The following PLXNA4 variants were observed in gnomAD, a reference collection of about 807,000 sequenced individuals.
PLXNA4 encodes plexin-A4.
PLXNA4 carries 44 observed loss-of-function variants against 191.8 expected under a neutral mutation model. The observed-to-expected ratio is 0.23, with a 90% CI of 0.18 to 0.29. The LOEUF (loss-of-function observed/expected upper bound fraction) is 0.29, where lower values mean the gene tolerates loss of function less well. Among genes scored for constraint, PLXNA4 ranks in the 10% least tolerant of loss-of-function variants. The pLI is 1.00. For missense variants in PLXNA4, 1,800 were observed against 2,488.8 expected, an observed-to-expected ratio of 0.72 and a Z score of 5.89; for synonymous variants, 1,082 against 1,009.5, an observed-to-expected ratio of 1.07 and a Z score of -1.36.
intron 2 of PLXNA4, among the ~76,000 whole-genome samples, chr7:132,595,004 GAT>G (rs1204528421): frequency 4.7e-5 from 1 of 21,190 alleles, no homozygotes; most frequent in Non-Finnish European, 1.8e-4. Context: ...TAGATAGATA[GAT>G]AGATAGATAG....
chr7:132,521,162 G>A (rs1045775185), intron 1 of PLXNA4, among the ~76,000 whole-genome samples: 1 of 131,222 alleles, frequency 7.6e-6, no homozygotes, highest in African/African-American at 2.9e-5. Flanking sequence ...GCTGAACGGA[G>A]ATATATTTGC....
chr7:132,187,623 G>T lies in PLXNA4; in HGVS notation c.2857-16C>A, dbSNP rs1796922926. On this transcript the variant is annotated splice_polypyrimidine_tract_variant and intron_variant, in intron 14 of 31. Transcript: ENST00000321063. ...GAGTCAGTGTCTGTGTAGAAAGGAT[G>T]TGGCCTGAGACACAACCAGGAAGGG... 1.2e-6 allele frequency: 2 copies of T among 1,605,150 alleles called. No individual in the cohort carries two copies. Among genetic ancestry groups the T allele is most frequent in the Non-Finnish European group, 8.5e-7 (1 of 1,174,826 alleles).
chr7:132,593,160 G>A (rs1426472747), intron 2 of PLXNA4, among the ~76,000 whole-genome samples: 1 of 152,222 alleles, frequency 6.6e-6, no homozygotes, highest in Admixed American at 6.5e-5. Flanking sequence ...TGGGCCTGGT[G>A]TTCTGCCAGT....
At chr7:132,154,137 G>A (rs1795724369) in intron 25 of PLXNA4, among the ~76,000 whole-genome samples, 2 of 152,156 alleles carry the variant, frequency 1.3e-5, no homozygotes, top group Non-Finnish European at 2.9e-5. Context: ...GCACACACCA[G>A]CACTGCACAG....
chr7:132,639,050 C>A (rs1320264089), intron 2 of PLXNA4, among the ~76,000 whole-genome samples: 1 of 152,164 alleles, frequency 6.6e-6, no homozygotes, highest in East Asian at 1.9e-4. Context: ...CATCCCAGAG[C>A]AGCAACTCTG....
chr7:132,297,291 G>T (rs1382631864), intron 4 of PLXNA4, among the ~76,000 whole-genome samples: 1 of 152,182 alleles, frequency 6.6e-6, no homozygotes. Flanking sequence ...ACAGGGCAGA[G>T]GTACAGCAGT....
intron 3 of PLXNA4, among the ~76,000 whole-genome samples, chr7:132,470,312 T>G (rs563022724): frequency 6.6e-6 from 1 of 152,276 alleles, no homozygotes; most frequent in South Asian, 2.1e-4. Context: ...GGACCTGAAG[T>G]GCTCTAGTTG....
At chr7:132,551,091 C>T (rs1800541429) in intron 1 of PLXNA4, among the ~76,000 whole-genome samples, 1 of 152,188 alleles carries the variant, frequency 6.6e-6, no homozygotes, top group Admixed American at 6.5e-5. Context: ...CTCATCATTT[C>T]TCCCTTGGAC....
chr7:132,489,046 G>T lies in PLXNA4; in HGVS notation c.1371+246C>A, dbSNP rs201457106. On this transcript the variant is annotated intron_variant, in intron 3 of 31. Coordinates refer to ENST00000321063, the MANE Select transcript of PLXNA4 (RefSeq NM_020911.2). ...TAGAACAACACTGCAAGGCTGGTCT[G>T]ACACCTCTCATGTGCACACCAGCTC... 3.3e-4 allele frequency among the ~76,000 whole-genome samples: 50 copies of T among 152,186 alleles called. No homozygotes were observed. Among genetic ancestry groups the T allele is most frequent in the Non-Finnish European group, 1.0e-4 (7 of 68,046 alleles).
At chr7:132,477,319 G>A (rs80172112) in intron 3 of PLXNA4, among the ~76,000 whole-genome samples, 2,055 of 152,112 alleles carry the variant, frequency 0.014, 30 homozygotes, top group Middle Eastern at 0.051. Flanking sequence ...ACTTTGGCTG[G>A]GCCAAAAAAA....
chr7:132,509,423 G>T (rs904357827), intron 1 of PLXNA4, among the ~76,000 whole-genome samples: 2 of 152,064 alleles, frequency 1.3e-5, no homozygotes, highest in African/African-American at 4.8e-5. Context: ...TTTCTCAAAG[G>T]ACCAAATTTG....
rs1192005177 is a variant in PLXNA4, at chr7:132,146,561, C to G, written c.5004G>C (p.Arg1668=). The change falls in exon 28 of 32, where the codon CGG becomes CGC. Residue 1668 remains arginine, a synonymous_variant. Transcript: ENST00000321063. ...HEHGDQKEGD[R]GSKMVSEIYL... The stretch of plus-strand genomic sequence containing the variant: ...AGATTTCAGACACCATCTTGCTCCC[C>G]CGGTCCCCCTCCTTCTGGTCTCCGT... The G allele has an allele frequency of 6.2e-7, 1 of 1,614,048 alleles. No individual in the cohort carries two copies. The highest frequency in any genetic ancestry group is 8.5e-7 in the Non-Finnish European group (1 of 1,180,036).
At chr7:132,575,416 C>A (rs915013621) in intron 1 of PLXNA4, among the ~76,000 whole-genome samples, 7 of 152,126 alleles carry the variant, frequency 4.6e-5, no homozygotes, top group African/African-American at 1.4e-4. Context: ...TGGGCAGTGC[C>A]GCCACGGTCG....
At position 132,273,317 on chromosome 7, in the gene PLXNA4, G is replaced by A. The variant is rs1051321537; in HGVS notation, c.1503+24774C>T. 1.3e-4 allele frequency among the ~76,000 whole-genome samples: 20 copies of A among 151,260 alleles called. No homozygotes were observed. In the East Asian group the frequency reaches 3.7e-3, roughly 28 times the overall value. On this transcript the variant is annotated intron_variant, in intron 4 of 31. Transcript: ENST00000321063. ...AAACCCTTTAATTCATGCCTCATTG[G>A]TTTTCAACACACACACACACACACG...
In PLXNA4 at chr7:132,159,762, G is replaced by A. The variant is rs886461341; in HGVS notation, c.4501-130C>T. 3.2e-5 allele frequency: 47 copies of A among 1,460,010 alleles called. No homozygotes were observed. In the Middle Eastern group the frequency reaches 9.5e-4, roughly 29 times the overall value. The allele number at this position is 1,460,010 out of a possible 1,614,324, so 90.4% of individuals were successfully genotyped here. ...CCAGGATGGGCTAGGGAGGAGTAGG[G>A]TGGCTCCAGGCCATCTGTGCTCCCA... On this transcript the variant is annotated intron_variant, in intron 24 of 31. Coordinates refer to ENST00000321063, the MANE Select transcript of PLXNA4 (RefSeq NM_020911.2).
intron 24 of PLXNA4, among the ~76,000 whole-genome samples, chr7:132,163,198 C>CA (rs1489484420): frequency 2.0e-5 from 3 of 152,110 alleles, no homozygotes; most frequent in Non-Finnish European, 4.4e-5. Flanking sequence ...CTGTGATCTC[C>CA]AAAAAATCCC....
chr7:132,318,180 G>A (rs1462727506), intron 3 of PLXNA4, among the ~76,000 whole-genome samples: 1 of 152,172 alleles, frequency 6.6e-6, no homozygotes, highest in Non-Finnish European at 1.5e-5. Context: ...TAGCATCTCA[G>A]GGCCCTGGTT....
intron 4 of PLXNA4, among the ~76,000 whole-genome samples, chr7:132,261,251 T>C (rs1799632685): frequency 6.6e-6 from 1 of 151,886 alleles, no homozygotes. Context: ...AGAGCCAAGG[T>C]TGGGAAGGAT....
intron 3 of PLXNA4, among the ~76,000 whole-genome samples, chr7:132,466,731 T>C (rs1447733059): frequency 6.6e-6 from 1 of 152,188 alleles, no homozygotes; most frequent in African/African-American, 2.4e-5. Flanking sequence ...TCCACTTCCA[T>C]CTTTTCTTTT....
Sources: gnomAD v4.1 joint callset for allele counts (sites outside exome capture counted in the v4.1 genomes callset) on GRCh38, gnomAD v4.1.1 for gene constraint, MANE v1.5 for transcripts, NCBI Gene and HGNC (gene_info 2026-07-23, HGNC 2026-07-21) for gene names.